NEGR1: variants seen among roughly 807,000 people sequenced by gnomAD.
The protein encoded by NEGR1 is neuronal growth regulator 1, also known as IgLON family member 4.
Under a neutral mutation model 40.9 loss-of-function variants are expected in NEGR1, and 10 were observed. The observed-to-expected ratio is 0.24, with a 90% confidence interval of 0.15 to 0.42. The LOEUF is 0.42. Ranked by LOEUF, NEGR1 falls within the 10% of genes least tolerant of loss-of-function variation. The probability of loss-of-function intolerance (pLI) is 1.00; values close to 1 mark genes in which losing one functional copy is unlikely to be tolerated. For synonymous variants in NEGR1, 185 were observed against 166.8 expected, an observed-to-expected ratio of 1.11 and a Z score of -0.84; for missense variants, 352 against 438.9, an observed-to-expected ratio of 0.80 and a Z score of 1.77.
chr1:71,912,130 T>C (rs1661435322), intron 2 of NEGR1, among the ~76,000 whole-genome samples: 2 of 152,190 alleles, frequency 1.3e-5, no homozygotes, highest in Non-Finnish European at 2.9e-5. Context: ...CAATTATGTA[T>C]GTTAAAAGTC....
chr1:71,505,374 C>T (rs899881404), intron 6 of NEGR1, among the ~76,000 whole-genome samples: 7 of 152,036 alleles, frequency 4.6e-5, no homozygotes, highest in East Asian at 1.9e-4. Context: ...CTCCACCTGC[C>T]GGGTTCACGC....
chr1:72,228,622 T>C (rs1296000085), intron 1 of NEGR1, among the ~76,000 whole-genome samples: 1 of 152,232 alleles, frequency 6.6e-6, no homozygotes, highest in Non-Finnish European at 1.5e-5. Flanking sequence ...TGGTAGCTTT[T>C]ATTATGACCT....
chr1:72,223,282 A>G (rs941520595), intron 1 of NEGR1, among the ~76,000 whole-genome samples: 1 of 152,154 alleles, frequency 6.6e-6, no homozygotes, highest in Non-Finnish European at 1.5e-5. Flanking sequence ...GTAATTTGGT[A>G]GGCAGCAATA....
intron 1 of NEGR1, among the ~76,000 whole-genome samples, chr1:72,009,031 G>A (rs1381815635): frequency 6.6e-6 from 1 of 151,340 alleles, no homozygotes; most frequent in Non-Finnish European, 1.5e-5. Flanking sequence ...AAAGAAAGAA[G>A]GGGGAGTGAT....
Position 71,991,021 on chromosome 1 carries a change from C to T in NEGR1, c.177-55710G>A, listed in dbSNP as rs17092062. Among the ~76,000 whole-genome samples, 1,019 of 151,714 alleles carry T rather than the reference C, an allele frequency of 6.7e-3. 12 individuals carry two copies. Among genetic ancestry groups the T allele is most frequent in the African/African-American group, 0.023 (946 of 41,374 alleles). Reference sequence around the variant, plus strand: ...CAATCCTGCTTGTTTCCTTACATTCCCTATCTTTGAATAAATATCCTGTAG... The same window carrying T: ...CAATCCTGCTTGTTTCCTTACATTCTCTATCTTTGAATAAATATCCTGTAG... On this transcript the variant is annotated intron_variant, in intron 1 of 6. Coordinates refer to ENST00000357731, the MANE Select transcript of NEGR1 (RefSeq NM_173808.3).
At chr1:71,692,635 C>T (rs1413513195) in intron 4 of NEGR1, among the ~76,000 whole-genome samples, 3 of 151,830 alleles carry the variant, frequency 2.0e-5, no homozygotes, top group African/African-American at 4.8e-5. Context: ...GAAGCCTCCT[C>T]CTCTTACTCC....
At chr1:71,879,231 G>A (rs770921100) in intron 2 of NEGR1, among the ~76,000 whole-genome samples, 2 of 152,060 alleles carry the variant, frequency 1.3e-5, no homozygotes, top group Non-Finnish European at 2.9e-5. Flanking sequence ...CATGCATAGG[G>A]AGAGATATTT....
intron 2 of NEGR1, among the ~76,000 whole-genome samples, chr1:71,879,227 T>C (rs1320628569): frequency 1.3e-5 from 2 of 152,024 alleles, no homozygotes; most frequent in African/African-American, 4.8e-5. Flanking sequence ...GGATCATGCA[T>C]AGGGAGAGAT....
chr1:72,093,247 C>T (rs961455310), intron 1 of NEGR1, among the ~76,000 whole-genome samples: 2 of 147,752 alleles, frequency 1.4e-5, no homozygotes, highest in East Asian at 2.0e-4. Flanking sequence ...AGGAGAATTG[C>T]TTGAACCCAG....
intron 3 of NEGR1, among the ~76,000 whole-genome samples, chr1:71,764,175 T>C (rs2101703693): frequency 6.6e-6 from 1 of 152,096 alleles, no homozygotes; most frequent in South Asian, 2.1e-4. Flanking sequence ...TTTTGAAAAA[T>C]TGAAGAATAA....
chr1:71,405,509 ACT>A lies in NEGR1; in HGVS notation c.*1935_*1936del, dbSNP rs1316584958. 3 of 151,460 alleles carry A rather than the reference ACT, an allele frequency of 2.0e-5. No individual in the cohort carries two copies. Among genetic ancestry groups the A allele is most frequent in the Non-Finnish European group, 4.4e-5 (3 of 67,598 alleles). The allele number at this position is 151,460 out of a possible 1,614,324, so 9.4% of individuals were successfully genotyped here. On this transcript the variant is annotated 3_prime_UTR_variant, in exon 7 of 7. Transcript: ENST00000357731. Reference sequence around the variant, plus strand: ...GTTAAATGCCATATTTGTTCTAAAAACTCTTTTTTAATGTATCAATCAAAATA... The same window carrying A: ...GTTAAATGCCATATTTGTTCTAAAAACTTTTTTAATGTATCAATCAAAATA...
At chr1:71,966,996 A>G (rs977572002) in intron 1 of NEGR1, among the ~76,000 whole-genome samples, 4 of 152,168 alleles carry the variant, frequency 2.6e-5, no homozygotes, top group African/African-American at 9.6e-5. Flanking sequence ...AGTAGGCTAA[A>G]TCTAGGCACA....
intron 1 of NEGR1, among the ~76,000 whole-genome samples, chr1:72,100,026 A>G (rs1210562836): frequency 6.6e-6 from 1 of 152,110 alleles, no homozygotes; most frequent in Non-Finnish European, 1.5e-5. Flanking sequence ...CATTGCCAAC[A>G]TAGAAGATTG....
At chr1:71,621,572 C>A (rs908586652) in intron 4 of NEGR1, among the ~76,000 whole-genome samples, 2 of 151,166 alleles carry the variant, frequency 1.3e-5, no homozygotes, top group African/African-American at 4.9e-5. Flanking sequence ...ATCTTTGATT[C>A]CCTTATGTTT....
rs1484665846 is a variant in NEGR1, at chr1:71,407,703, G to T, written c.941-133C>A. The T allele has an allele frequency of 5.3e-6, 4 of 759,216 alleles. No homozygotes were observed. The African/African-American group carries it at 5.3e-5, about 10-fold the overall frequency. 47.0% of individuals were successfully genotyped at this position (759,216 alleles called of 1,614,324 possible). ...GTCAGACAGACTGAAGTTCATATCTGATTCTGCTATATGACAACGTGTGGG... is the reference window on the plus strand; with the variant it reads ...GTCAGACAGACTGAAGTTCATATCTTATTCTGCTATATGACAACGTGTGGG... On this transcript the variant is annotated intron_variant, in intron 6 of 6. Coordinates refer to ENST00000357731, the MANE Select transcript of NEGR1 (RefSeq NM_173808.3).
chr1:71,709,977 G>T (rs998265113), intron 3 of NEGR1, among the ~76,000 whole-genome samples: 2 of 152,182 alleles, frequency 1.3e-5, no homozygotes, highest in South Asian at 2.1e-4. Flanking sequence ...GAAAATGTTT[G>T]CAAAGTACCC....
chr1:71,458,080 T>C (rs1294230586), intron 6 of NEGR1, among the ~76,000 whole-genome samples: 1 of 152,208 alleles, frequency 6.6e-6, no homozygotes, highest in Non-Finnish European at 1.5e-5. Context: ...ACAAGTCTTT[T>C]ATCCTAGATC....
intron 3 of NEGR1, among the ~76,000 whole-genome samples, chr1:71,760,532 G>A (rs1389937480): frequency 1.3e-5 from 2 of 152,136 alleles, no homozygotes; most frequent in African/African-American, 2.4e-5. Flanking sequence ...CCATCATTAT[G>A]TAGATTCATT....
intron 6 of NEGR1, among the ~76,000 whole-genome samples, chr1:71,522,725 C>G (rs541092942): frequency 5.9e-4 from 57 of 97,394 alleles, no homozygotes; most frequent in African/African-American, 1.6e-3. Context: ...CCTCTACCCC[C>G]CCCTTACACA....
Sources: allele counts gnomAD v4.1 joint callset (sites outside exome capture counted in the v4.1 genomes callset), GRCh38; gene constraint gnomAD v4.1.1; transcripts MANE v1.5; gene names NCBI Gene and HGNC (gene_info 2026-07-23, HGNC 2026-07-21).